Variants in SPOPL observed in about 807,000 individuals in gnomAD.
SPOPL encodes speckle type BTB/POZ protein like.
A neutral mutation model predicts 53.8 loss-of-function variants in SPOPL; 23 were observed. The ratio of observed to expected loss-of-function variants is 0.43; its 90% CI spans 0.31 to 0.61. SPOPL has a LOEUF of 0.61. SPOPL is among the 20% of genes least tolerant of loss of function. The pLI is 0.12. For synonymous variants in SPOPL, 164 were observed against 149.7 expected, an observed-to-expected ratio of 1.10 and a Z score of -0.70; for missense variants, 442 against 466.9, an observed-to-expected ratio of 0.95 and a Z score of 0.49.
At chr2:138,565,064 G>A in intron 10 of SPOPL, 71 bp downstream of exon 10, 1 of 1,555,456 alleles carries the variant, frequency 6.4e-7, no homozygotes, top group South Asian at 1.1e-5. Flanking sequence ...ATAGCCTTTT[G>A]TTCATCTACA....
chr2:138,525,835 CA>C (rs758644476), intron 1 of SPOPL, among the ~76,000 whole-genome samples: 3,630 of 105,412 alleles, frequency 0.034, 39 homozygotes, highest in Non-Finnish European at 0.037. Flanking sequence ...GAACCTGTCT[CA>C]AAAAAAAAAA....
chr2:138,548,218 T>C (rs1396368160), intron 1 of SPOPL, among the ~76,000 whole-genome samples: 1 of 150,564 alleles, frequency 6.6e-6, no homozygotes, highest in Admixed American at 6.7e-5. Context: ...TTCTATTTCA[T>C]TGATTACAAG....
chr2:138,550,862 A>C, intron 3 of SPOPL, 41 bp from the exon 4 acceptor site: 1 of 1,500,888 alleles, frequency 6.7e-7, no homozygotes, highest in East Asian at 2.3e-5. Flanking sequence ...ATGCTTTTCA[A>C]GTATTATATT....
rs544526606 is a variant in SPOPL, at chr2:138,512,257, T to A, written c.-61+10138T>A. On this transcript the variant is annotated intron_variant, in intron 1 of 10. Coordinates refer to ENST00000280098, the MANE Select transcript of SPOPL (RefSeq NM_001001664.3). Reference sequence around the variant, plus strand: ...GACAATTTTGACATCTAAATTACATTTTTATTTTCATAAAAATAATACTGT... The same window carrying A: ...GACAATTTTGACATCTAAATTACATATTTATTTTCATAAAAATAATACTGT... Among the ~76,000 whole-genome samples the A allele has an allele frequency of 9.2e-5, 14 of 152,316 alleles. No homozygotes were observed. In the South Asian group the frequency reaches 2.7e-3, roughly 29 times the overall value.
chr2:138,512,161 A>G (rs554944515), intron 1 of SPOPL, among the ~76,000 whole-genome samples: 2 of 152,340 alleles, frequency 1.3e-5, no homozygotes, highest in African/African-American at 4.8e-5. Context: ...TGTGCACATA[A>G]TGAATATTAA....
intron 1 of SPOPL, among the ~76,000 whole-genome samples, chr2:138,544,921 C>A (rs1471778689): frequency 6.6e-6 from 1 of 152,228 alleles, no homozygotes; most frequent in Non-Finnish European, 1.5e-5. Context: ...TGGGCATACC[C>A]ATAGCTTTCT....
At chr2:138,555,131 GGTGT>G (rs61000380) in intron 5 of SPOPL, among the ~76,000 whole-genome samples, 2,572 of 140,144 alleles carry the variant, frequency 0.018, 47 homozygotes, top group African/African-American at 0.043. Context: ...AGGGTAGGAG[GGTGT>G]GTGTGTGTGT....
chr2:138,540,853 C>T (rs1685055995), intron 1 of SPOPL, among the ~76,000 whole-genome samples: 1 of 152,098 alleles, frequency 6.6e-6, no homozygotes, highest in Non-Finnish European at 1.5e-5. Context: ...AGTTTTTGGC[C>T]ATTCAGTATG....
At chr2:138,552,759 T>C in intron 5 of SPOPL, 78 bp downstream of exon 5, 1 of 1,454,860 alleles carries the variant, frequency 6.9e-7, no homozygotes, top group Non-Finnish European at 9.2e-7. Flanking sequence ...TTAATAACAC[T>C]TTAAAATTAA....
chr2:138,571,575 G>A lies in SPOPL; in HGVS notation c.*2495G>A, dbSNP rs373830500. Reference sequence around the variant, plus strand: ...ATTATGTATATTTTTGGTATTGTGGGTTCTTGAGGCAATGATAAAAACACT... The same window carrying A: ...ATTATGTATATTTTTGGTATTGTGGATTCTTGAGGCAATGATAAAAACACT... On this transcript the variant is annotated 3_prime_UTR_variant, in exon 11 of 11. Transcript: ENST00000280098. The A allele has an allele frequency of 3.6e-4, 55 of 152,488 alleles. 1 individual carries two copies. In the East Asian group the frequency reaches 7.9e-3, roughly 22 times the overall value. 9.4% of individuals were successfully genotyped at this position (152,488 alleles called of 1,614,324 possible). A position where few individuals can be genotyped will look rare whatever the true frequency, so the allele number is the denominator to read the frequency against.
At chr2:138,568,507 A>T (rs1432001065) in intron 10 of SPOPL, among the ~76,000 whole-genome samples, 1 of 152,212 alleles carries the variant, frequency 6.6e-6, no homozygotes, top group Non-Finnish European at 1.5e-5. Flanking sequence ...GGTAGTTAAC[A>T]TCATTGAATT....
rs577288709 is a variant in SPOPL at position 138,542,116 on chromosome 2, C to T, written c.-60-8041C>T. 1.3e-4 allele frequency among the ~76,000 whole-genome samples: 20 copies of T among 152,262 alleles called. No homozygotes were observed. The South Asian group carries it at 3.9e-3, about 30-fold the overall frequency. On this transcript the variant is annotated intron_variant, in intron 1 of 10. Coordinates refer to ENST00000280098, the MANE Select transcript of SPOPL (RefSeq NM_001001664.3). ...GGTCTGAGAGAGTTTGTTATAATTT[C>T]TGTTCTTTTACATATGCTGAAGAGT...
At chr2:138,541,337 C>G (rs1452093367) in intron 1 of SPOPL, among the ~76,000 whole-genome samples, 1 of 152,146 alleles carries the variant, frequency 6.6e-6, no homozygotes, top group Non-Finnish European at 1.5e-5. Flanking sequence ...CCTCCTTGTA[C>G]CTCTGGTAGA....
chr2:138,561,879 A>C (rs1283908297), intron 8 of SPOPL, among the ~76,000 whole-genome samples: 1 of 149,546 alleles, frequency 6.7e-6, no homozygotes, highest in African/African-American at 2.5e-5. Context: ...CTCCCTCTCT[A>C]CCCCCTCAAG....
chr2:138,517,204 C>G (rs372499356), intron 1 of SPOPL, among the ~76,000 whole-genome samples: 1 of 152,128 alleles, frequency 6.6e-6, no homozygotes, highest in South Asian at 2.1e-4. Context: ...ATGACAGGTT[C>G]TTGATGGATT....
intron 1 of SPOPL, among the ~76,000 whole-genome samples, chr2:138,545,586 A>G (rs1400028203): frequency 8.2e-6 from 1 of 121,674 alleles, no homozygotes; most frequent in African/African-American, 3.0e-5. Context: ...GGCGCCTGCC[A>G]TCACACCCGG....
At chr2:138,542,012 A>G (rs908982404) in intron 1 of SPOPL, among the ~76,000 whole-genome samples, 11 of 152,120 alleles carry the variant, frequency 7.2e-5, no homozygotes, top group Non-Finnish European at 2.9e-5. Context: ...GTCATTAAGG[A>G]GCAGGTTGTT....
chr2:138,539,152 T>A (rs1424949986), intron 1 of SPOPL, among the ~76,000 whole-genome samples: 1 of 152,240 alleles, frequency 6.6e-6, no homozygotes, highest in Non-Finnish European at 1.5e-5. Flanking sequence ...TCTATCATTG[T>A]TGGACATTTG....
intron 1 of SPOPL, among the ~76,000 whole-genome samples, chr2:138,520,356 C>G (rs2104863601): frequency 6.6e-6 from 1 of 152,252 alleles, no homozygotes; most frequent in East Asian, 1.9e-4. Flanking sequence ...TTAAGAGTAT[C>G]TGGATGATCC....
Sources: allele counts gnomAD v4.1 joint callset (sites outside exome capture counted in the v4.1 genomes callset), GRCh38; gene constraint gnomAD v4.1.1; transcripts MANE v1.5; gene names NCBI Gene and HGNC (gene_info 2026-07-23, HGNC 2026-07-21).